Variants in SUPV3L1 observed in about 807,000 individuals in gnomAD.
The protein encoded by SUPV3L1 is ATP-dependent RNA helicase SUPV3L1, mitochondrial.
In SUPV3L1, 35 loss-of-function variants were observed where a neutral mutation model predicts 70.0. That is an observed-to-expected ratio of 0.50 (90% CI 0.38 to 0.66). SUPV3L1 has a LOEUF of 0.66. SUPV3L1 is among the 30% of genes least tolerant of loss of function. The probability of loss-of-function intolerance (pLI) is 0.00; values close to 1 mark genes in which losing one functional copy is unlikely to be tolerated. For synonymous variants in SUPV3L1, 364 were observed against 341.9 expected (o/e 1.06, Z -0.71); for missense variants, 777 against 961.5 (o/e 0.81, Z 2.54).
At chr10:69,201,207 T>A (rs1235043909) in intron 11 of SUPV3L1, among the ~76,000 whole-genome samples, 2 of 152,212 alleles carry the variant, frequency 1.3e-5, no homozygotes, top group Non-Finnish European at 2.9e-5. Context: ...CCTGCTTCCC[T>A]CCTGGGCACC....
At chr10:69,187,476 C>A in intron 3 of SUPV3L1, 166 bp from the exon 4 acceptor site, 1 of 447,894 alleles carries the variant, frequency 2.2e-6, no homozygotes, top group Non-Finnish European at 4.0e-6. Context: ...GGTCAGCTTT[C>A]CAAAGTGGTG....
intron 3 of SUPV3L1, 58 bp downstream of exon 3, chr10:69,186,608 A>G: frequency 7.1e-7 from 1 of 1,409,646 alleles, no homozygotes; most frequent in Non-Finnish European, 1.0e-6. Flanking sequence ...TTCTTCTCAT[A>G]CTTCATGCTC....
In SUPV3L1 at chr10:69,202,858, T is replaced by C. The variant is rs553774069; in HGVS notation, c.1600-9T>C. 9.3e-6 allele frequency: 15 copies of C among 1,608,758 alleles called. No homozygotes were observed. In the East Asian group the frequency reaches 1.8e-4, roughly 19 times the overall value. ...GCAGTCCAGTAATTTCTGTCTTTTT[T>C]TCCCCAAGGATATTTTTGTAGACTT... On this transcript the variant is annotated splice_polypyrimidine_tract_variant and intron_variant, in intron 12 of 14. Coordinates refer to ENST00000359655, the MANE Select transcript of SUPV3L1 (RefSeq NM_003171.5).
intron 6 of SUPV3L1, chr10:69,192,561 A>G (rs1254796162): frequency 1.3e-5 from 2 of 152,216 alleles, no homozygotes; most frequent in Non-Finnish European, 2.9e-5. Context: ...CTATAGCTAC[A>G]TATTTGTAGT....
At chr10:69,186,330 AAAAAAAAAAAAAAAG>A in intron 2 of SUPV3L1, 98 bp from the exon 3 acceptor site, 2 of 655,364 alleles carry the variant, frequency 3.1e-6, no homozygotes, top group South Asian at 1.9e-5. Context: ...ACTGCCAAAA[AAAAAAAAAAAAAAAG>A]AAAAAAAAAG....
intron 6 of SUPV3L1, among the ~76,000 whole-genome samples, chr10:69,194,787 A>C (rs1228687097): frequency 6.6e-6 from 1 of 151,940 alleles, no homozygotes; most frequent in Non-Finnish European, 1.5e-5. Flanking sequence ...ATCACTTTCA[A>C]CCCAGGAGTT....
chr10:69,205,283 C>G (rs1313410254), intron 13 of SUPV3L1, among the ~76,000 whole-genome samples: 3 of 152,184 alleles, frequency 2.0e-5, no homozygotes, highest in Non-Finnish European at 2.9e-5. Flanking sequence ...GTCCCATGGC[C>G]TTGGCACCAT....
At chr10:69,195,076 C>T (rs951280502) in intron 6 of SUPV3L1, 112 bp from the exon 7 acceptor site, 3 of 713,968 alleles carry the variant, frequency 4.2e-6, no homozygotes, top group African/African-American at 1.8e-5. Context: ...AAGAGGAACC[C>T]AGTAAGTGAT....
intron 11 of SUPV3L1, 125 bp downstream of exon 11, chr10:69,200,624 G>GGACCTTCACTTGCATA: frequency 1.2e-6 from 1 of 820,498 alleles, no homozygotes. Flanking sequence ...AAAATTTTGT[G>GGACCTTCACTTGCATA]CCATGAAAAC....
rs550232444 is a variant in SUPV3L1, at chr10:69,202,082, G to A, written c.1519-357G>A. Among the ~76,000 whole-genome samples the A allele has an allele frequency of 4.8e-4, 69 of 143,036 alleles. No homozygotes were observed. The East Asian group carries it at 5.1e-3, about 11-fold the overall frequency. The allele number at this position is 143,036 out of a possible 152,430, so 93.8% of individuals were successfully genotyped here. A position where few individuals can be genotyped will look rare whatever the true frequency, so the allele number is the denominator to read the frequency against. On this transcript the variant is annotated intron_variant, in intron 11 of 14. Coordinates refer to ENST00000359655, the MANE Select transcript of SUPV3L1 (RefSeq NM_003171.5). ...TCTCAATCTCCTGACCTCGTGATCC[G>A]CCCACCTTGGCCTCCCAAAGTGCTG...
At chr10:69,183,432 A>G (rs1842122989) in intron 1 of SUPV3L1, among the ~76,000 whole-genome samples, 1 of 152,218 alleles carries the variant, frequency 6.6e-6, no homozygotes, top group African/African-American at 2.4e-5. Flanking sequence ...CAATCCCAGC[A>G]CTTTGGGAGG....
intron 6 of SUPV3L1, among the ~76,000 whole-genome samples, chr10:69,194,846 A>G (rs1487267878): frequency 9.2e-6 from 1 of 108,168 alleles, no homozygotes; most frequent in Admixed American, 8.5e-5. Context: ...ATTAAAAAGA[A>G]AAAAAAAAGA....
chr10:69,180,371 C>T lies in SUPV3L1; in HGVS notation c.80C>T (p.Ala27Val). The T allele has an allele frequency of 6.2e-7, 1 of 1,614,244 alleles. No individual in the cohort carries two copies. Among genetic ancestry groups the T allele is most frequent in the Non-Finnish European group, 8.5e-7 (1 of 1,180,046 alleles). ...QAGHRAAICSALRPHFGPFPG... is the reference protein window; with the variant it reads ...QAGHRAAICSVLRPHFGPFPG... ...GGCCACCGGGCAGCCATCTGCTCTGCCCTTCGTCCCCACTTTGGGCCCTTT... is the reference window on the plus strand; with the variant it reads ...GGCCACCGGGCAGCCATCTGCTCTGTCCTTCGTCCCCACTTTGGGCCCTTT... The change falls in exon 1 of 15, where the codon GCC becomes GTC. Residue 27 changes from alanine to valine, a missense_variant. Physicochemically the swap from Ala to Val is moderately conservative, Grantham distance 64 (BLOSUM62 0). This residue lies in a region of SUPV3L1 where 158 missense variants were observed against 138.3 expected (regional missense o/e 1.14). Transcript: ENST00000359655.
chr10:69,180,541 C>G lies in SUPV3L1; in HGVS notation c.250C>G (p.Leu84Val). Residue 84 changes from leucine to valine, a missense_variant, in exon 1 of 15, where the codon CTA (leucine) becomes GTA (valine). This residue lies in a region of SUPV3L1 where 158 missense variants were observed against 138.3 expected (regional missense o/e 1.14). Coordinates refer to ENST00000359655, the MANE Select transcript of SUPV3L1 (RefSeq NM_003171.5). ...CGCCGACGGCGACGTCGGGGCCGAG[C>G]TAACCCGGCCTCTGGACAAGAGTGA... ...PSADGDVGAE[L>V]TRPLDKNEVK... 1 of 1,614,120 alleles carries G rather than the reference C, an allele frequency of 6.2e-7. No individual in the cohort carries two copies. The highest frequency in any genetic ancestry group is 8.5e-7 in the Non-Finnish European group (1 of 1,180,024).
intron 12 of SUPV3L1, 122 bp from the exon 13 acceptor site, chr10:69,202,745 A>G: frequency 8.8e-7 from 1 of 1,136,790 alleles, no homozygotes; most frequent in South Asian, 1.6e-5. Context: ...TGATTAAAGC[A>G]AGCCTTTATG....
chr10:69,188,185 G>A (rs1842286177), intron 4 of SUPV3L1, among the ~76,000 whole-genome samples: 1 of 152,134 alleles, frequency 6.6e-6, no homozygotes, highest in African/African-American at 2.4e-5. Context: ...CCTTGTACAT[G>A]GTTAGCCCAG....
At chr10:69,191,914 C>T in intron 6 of SUPV3L1, 148 bp downstream of exon 6, 1 of 513,764 alleles carries the variant, frequency 1.9e-6, no homozygotes, top group Non-Finnish European at 3.4e-6. Context: ...TCAAGCGATT[C>T]TCCTGCCTCA....
chr10:69,191,169 G>A (rs1327302266), intron 5 of SUPV3L1, among the ~76,000 whole-genome samples: 2 of 151,692 alleles, frequency 1.3e-5, no homozygotes, highest in Non-Finnish European at 2.9e-5. Context: ...GTTTACCCAA[G>A]TTGTGTAAGA....
chr10:69,202,075 G>A (rs531761405), intron 11 of SUPV3L1, among the ~76,000 whole-genome samples: 11 of 151,714 alleles, frequency 7.3e-5, no homozygotes, highest in South Asian at 2.1e-4. Flanking sequence ...TCCTGACCTC[G>A]TGATCCGCCC....
Sources: gnomAD v4.1 joint callset for allele counts (sites outside exome capture counted in the v4.1 genomes callset) on GRCh38, gnomAD v4.1.1 for gene constraint, gnomAD v4.1.1 regional missense constraint, MANE v1.5 for transcripts, NCBI Gene and HGNC (gene_info 2026-07-23, HGNC 2026-07-21) for gene names.